SLC24A3: variants seen among roughly 807,000 people sequenced by gnomAD.
SLC24A3 encodes the protein sodium/potassium/calcium exchanger 3.
Under a neutral mutation model 75.8 loss-of-function variants are expected in SLC24A3, and 28 were observed. That is an observed-to-expected ratio of 0.37 (90% CI 0.27 to 0.51). SLC24A3 has a LOEUF of 0.51. SLC24A3 is among the 20% of genes least tolerant of loss of function. The pLI is 0.94. For missense variants in SLC24A3, 663 were observed against 847.8 expected (o/e 0.78, Z 2.71); for synonymous variants, 372 against 334.1 (o/e 1.11, Z -1.24).
At chr20:19,265,481 G>A (rs1048055562) in intron 1 of SLC24A3, among the ~76,000 whole-genome samples, 2 of 152,230 alleles carry the variant, frequency 1.3e-5, no homozygotes, top group East Asian at 3.9e-4. Context: ...AGCGTTACTG[G>A]GGTTCTGTTT....
At chr20:19,216,709 G>T (rs189984481) in intron 1 of SLC24A3, among the ~76,000 whole-genome samples, 1 of 152,188 alleles carries the variant, frequency 6.6e-6, no homozygotes, top group Admixed American at 6.5e-5. Context: ...ATGTATGTAT[G>T]TATTTATGTA....
chr20:19,499,289 G>A (rs181204885), intron 2 of SLC24A3, among the ~76,000 whole-genome samples: 66 of 152,312 alleles, frequency 4.3e-4, no homozygotes, highest in African/African-American at 1.6e-3. Flanking sequence ...ACCATACTGG[G>A]TGGGTTTATA....
Position 19,367,769 on chromosome 20 carries a change from G to T in SLC24A3, c.271+86682G>T, listed in dbSNP as rs183468498. On this transcript the variant is annotated intron_variant, in intron 2 of 16. Coordinates refer to ENST00000328041, the MANE Select transcript of SLC24A3 (RefSeq NM_020689.4). The stretch of plus-strand genomic sequence containing the variant: ...AGGCTCATGAAACATCCCAGACAAG[G>T]TCTGGAGGATCTCAGATAGCCCTGG... Among the ~76,000 whole-genome samples, 46 of 152,300 alleles carry T rather than the reference G, an allele frequency of 3.0e-4. 2 individuals carry two copies. The East Asian group carries it at 8.5e-3, about 28-fold the overall frequency.
intron 2 of SLC24A3, among the ~76,000 whole-genome samples, chr20:19,373,727 A>G (rs1411915225): frequency 6.6e-6 from 1 of 152,062 alleles, no homozygotes; most frequent in African/African-American, 2.4e-5. Context: ...GTGAGGGGAG[A>G]AATTTAGTGG....
chr20:19,693,141 A>G, intron 12 of SLC24A3, 118 bp from the exon 13 acceptor site: 1 of 1,088,916 alleles, frequency 9.2e-7, no homozygotes, highest in African/African-American at 1.6e-5. Flanking sequence ...AGAGCAATAT[A>G]ATAAGGTTTA....
intron 15 of SLC24A3, among the ~76,000 whole-genome samples, chr20:19,713,354 G>A (rs2033009921): frequency 6.6e-6 from 1 of 152,160 alleles, no homozygotes; most frequent in African/African-American, 2.4e-5. Context: ...AATAATTTAA[G>A]TAAAGTGGGG....
chr20:19,322,307 C>T (rs1984726515), intron 2 of SLC24A3, among the ~76,000 whole-genome samples: 1 of 151,938 alleles, frequency 6.6e-6, no homozygotes, highest in Non-Finnish European at 1.5e-5. Flanking sequence ...TAAATATACC[C>T]CTCCCCTTTT....
chr20:19,237,924 C>A (rs1353739045), intron 1 of SLC24A3, among the ~76,000 whole-genome samples: 2 of 152,196 alleles, frequency 1.3e-5, no homozygotes, highest in Non-Finnish European at 2.9e-5. Flanking sequence ...GCGGCTGTAA[C>A]ATTTTCCTGC....
chr20:19,518,090 T>G (rs2030031219), intron 3 of SLC24A3, among the ~76,000 whole-genome samples: 1 of 152,214 alleles, frequency 6.6e-6, no homozygotes, highest in South Asian at 2.1e-4. Context: ...CCCCTTCACC[T>G]TCCATGTTGT....
At chr20:19,711,097 A>G (rs1323205689) in intron 15 of SLC24A3, among the ~76,000 whole-genome samples, 1 of 151,760 alleles carries the variant, frequency 6.6e-6, no homozygotes, top group African/African-American at 2.4e-5. Flanking sequence ...ACAAAGGCAC[A>G]TAAACACATG....
At chr20:19,599,402 G>C (rs1426099801) in intron 6 of SLC24A3, among the ~76,000 whole-genome samples, 3 of 152,090 alleles carry the variant, frequency 2.0e-5, no homozygotes, top group Non-Finnish European at 4.4e-5. Context: ...GGCGGACGGC[G>C]TGTGTGATGC....
chr20:19,310,734 C>T (rs1054829129), intron 2 of SLC24A3, among the ~76,000 whole-genome samples: 1 of 152,204 alleles, frequency 6.6e-6, no homozygotes, highest in Non-Finnish European at 1.5e-5. Flanking sequence ...CCTTCAGCTT[C>T]CAGTTACATA....
chr20:19,587,845 T>G (rs2031320506), intron 6 of SLC24A3, among the ~76,000 whole-genome samples: 1 of 152,220 alleles, frequency 6.6e-6, no homozygotes, highest in Non-Finnish European at 1.5e-5. Context: ...TTAATAGACC[T>G]GCTCTACATG....
intron 2 of SLC24A3, among the ~76,000 whole-genome samples, chr20:19,418,214 C>A (rs770121082): frequency 6.6e-6 from 1 of 152,120 alleles, no homozygotes; most frequent in Non-Finnish European, 1.5e-5. Context: ...ACAGAGACAG[C>A]GTGGAGCACA....
At chr20:19,368,313 G>A (rs1250113502) in intron 2 of SLC24A3, among the ~76,000 whole-genome samples, 6 of 152,192 alleles carry the variant, frequency 3.9e-5, no homozygotes, top group African/African-American at 1.4e-4. Flanking sequence ...GAGAACATGG[G>A]GCAGACAGAG....
At chr20:19,446,233 G>A (rs370939148) in intron 2 of SLC24A3, among the ~76,000 whole-genome samples, 4 of 152,332 alleles carry the variant, frequency 2.6e-5, no homozygotes, top group South Asian at 4.1e-4. Flanking sequence ...AGTTCTGGGA[G>A]CCTTTTAATT....
chr20:19,528,932 T>C (rs888756635), intron 3 of SLC24A3, among the ~76,000 whole-genome samples: 4 of 152,180 alleles, frequency 2.6e-5, no homozygotes, highest in Admixed American at 2.6e-4. Flanking sequence ...CCTTTGGTTT[T>C]TCAGAATTAG....
At chr20:19,466,001 C>G (rs567954798) in intron 2 of SLC24A3, among the ~76,000 whole-genome samples, 1 of 152,168 alleles carries the variant, frequency 6.6e-6, no homozygotes, top group Non-Finnish European at 1.5e-5. Context: ...CTCCTTGTCT[C>G]CCCAGCTGTC....
At position 19,333,305 on chromosome 20, in the gene SLC24A3, CT is replaced by C. The variant is rs202218023; in HGVS notation, c.271+52219del. 8.4e-3 allele frequency among the ~76,000 whole-genome samples: 1,281 copies of C among 152,278 alleles called. 10 individuals carry two copies. The highest frequency in any genetic ancestry group is 0.021 in the African/African-American group (887 of 41,550). ...GAGTGGTACCCTTTTATCTTCCCCC[CT>C]GGACTTAATATTTATCTGCCCTAAT... On this transcript the variant is annotated intron_variant, in intron 2 of 16. Coordinates refer to ENST00000328041, the MANE Select transcript of SLC24A3 (RefSeq NM_020689.4).
Sources: gnomAD v4.1 joint callset for allele counts (sites outside exome capture counted in the v4.1 genomes callset) on GRCh38, gnomAD v4.1.1 for gene constraint, MANE v1.5 for transcripts, NCBI Gene and HGNC (gene_info 2026-07-23, HGNC 2026-07-21) for gene names.